TMEM236: variants seen among roughly 807,000 people sequenced by gnomAD.
The protein encoded by TMEM236 is transmembrane protein 236, also known as family with sequence similarity 23, member A.
TMEM236 carries 11 observed loss-of-function variants against 14.7 expected under a neutral mutation model. That is an observed-to-expected ratio of 0.75 (90% CI 0.47 to 1.24). TMEM236 has a LOEUF of 1.24. Ranked by LOEUF, TMEM236 falls within the 50% of genes most tolerant of loss-of-function variation. The pLI is 0.00. For synonymous variants in TMEM236, 182 were observed against 168.6 expected (o/e 1.08, Z -0.62); for missense variants, 464 against 427.3 (o/e 1.09, Z -0.76).
At chr10:17,754,566 A>G (rs1222512075) in intron 1 of TMEM236, among the ~76,000 whole-genome samples, 1 of 152,114 alleles carries the variant, frequency 6.6e-6, no homozygotes. Context: ...GGCTCAAACA[A>G]TCCACCCGTC....
chr10:17,771,887 A>T (rs1025162943), intron 2 of TMEM236, among the ~76,000 whole-genome samples: 2 of 150,548 alleles, frequency 1.3e-5, no homozygotes, highest in East Asian at 3.9e-4. Flanking sequence ...GGGCAGGAAT[A>T]TCTTAGGCAG....
At position 17,773,368 on chromosome 10, in the gene TMEM236, C is replaced by T. The variant is rs577405432; in HGVS notation, c.330+1987C>T. ...ATTTTTTTGGAGACAGAGTCTTTCT[C>T]TGTTGCCCAGGCTGGAGTGCAGTGG... On this transcript the variant is annotated intron_variant, in intron 2 of 3. Transcript: ENST00000377495. 3.8e-3 allele frequency among the ~76,000 whole-genome samples: 573 copies of T among 152,320 alleles called. 1 individual carries two copies. Among genetic ancestry groups the T allele is most frequent in the African/African-American group, 0.013 (538 of 41,570 alleles).
chr10:17,781,874 T>C (rs1245190004), intron 3 of TMEM236, among the ~76,000 whole-genome samples: 1 of 152,136 alleles, frequency 6.6e-6, no homozygotes, highest in Admixed American at 6.5e-5. Context: ...TGATGTTTTA[T>C]GTGAGATTTC....
chr10:17,754,602 C>T (rs1158120904), intron 1 of TMEM236, among the ~76,000 whole-genome samples: 1 of 152,096 alleles, frequency 6.6e-6, no homozygotes, highest in Non-Finnish European at 1.5e-5. Flanking sequence ...GCTGAGATTA[C>T]AGGCGTGAGC....
At chr10:17,786,630 C>G (rs1837841615) in intron 3 of TMEM236, among the ~76,000 whole-genome samples, 1 of 152,154 alleles carries the variant, frequency 6.6e-6, no homozygotes, top group Non-Finnish European at 1.5e-5. Context: ...TATTTTGGGA[C>G]CTTAAGTCCT....
chr10:17,772,160 C>G (rs1837583373), intron 2 of TMEM236, among the ~76,000 whole-genome samples: 1 of 152,116 alleles, frequency 6.6e-6, no homozygotes, highest in Non-Finnish European at 1.5e-5. Flanking sequence ...ATATAATTTT[C>G]TGACATTAGA....
In TMEM236 at chr10:17,796,442, A is replaced by G; in HGVS notation, c.994A>G (p.Ile332Val). 1 of 1,613,506 alleles carries G rather than the reference A, an allele frequency of 6.2e-7. No individual in the cohort carries two copies. Among genetic ancestry groups the G allele is most frequent in the African/African-American group, 1.3e-5 (1 of 74,878 alleles). Residue 332 changes from isoleucine (I) to valine (V), a missense_variant, in exon 4 of 4, where the codon ATT becomes GTT. Coordinates refer to ENST00000377495, the MANE Select transcript of TMEM236 (RefSeq NM_001098844.3). ...AAATATCCTCGTGACTCTCTCTTACATTTACTTCAATTACCTAACCAGAAT... is the reference window on the plus strand; with the variant it reads ...AAATATCCTCGTGACTCTCTCTTACGTTTACTTCAATTACCTAACCAGAAT... ...CKNILVTLSY[I>V]YFNYLTRIRI...
At chr10:17,762,612 T>TACAC (rs1433133705) in intron 1 of TMEM236, among the ~76,000 whole-genome samples, 4 of 75,964 alleles carry the variant, frequency 5.3e-5, no homozygotes, top group African/African-American at 4.0e-4. Flanking sequence ...TATATATATA[T>TACAC]ATATATACAC....
intron 1 of TMEM236, among the ~76,000 whole-genome samples, chr10:17,771,036 A>C (rs1428242924): frequency 1.3e-5 from 2 of 152,218 alleles, no homozygotes; most frequent in Non-Finnish European, 2.9e-5. Flanking sequence ...AACATGTTGA[A>C]TGTCATTTGA....
At chr10:17,761,479 G>A (rs1837361766) in intron 1 of TMEM236, among the ~76,000 whole-genome samples, 1 of 152,180 alleles carries the variant, frequency 6.6e-6, no homozygotes, top group African/African-American at 2.4e-5. Flanking sequence ...GATCACTTGA[G>A]GTCTGGAGTT....
At chr10:17,757,934 A>AG (rs1837306309) in intron 1 of TMEM236, among the ~76,000 whole-genome samples, 1 of 151,874 alleles carries the variant, frequency 6.6e-6, no homozygotes, top group African/African-American at 2.4e-5. Context: ...ACGCCTGGCT[A>AG]ATTTTTTTAT....
intron 2 of TMEM236, among the ~76,000 whole-genome samples, chr10:17,771,671 G>A (rs1837575248): frequency 6.6e-6 from 1 of 152,110 alleles, no homozygotes; most frequent in Non-Finnish European, 1.5e-5. Flanking sequence ...ATCTATATTT[G>A]TTTCTTCTAC....
chr10:17,794,702 T>A (rs1256421507), intron 3 of TMEM236, among the ~76,000 whole-genome samples: 1 of 152,154 alleles, frequency 6.6e-6, no homozygotes, highest in Non-Finnish European at 1.5e-5. Flanking sequence ...AAACCTTGGA[T>A]TCAGCATGTC....
chr10:17,781,511 G>C (rs1195314987), intron 3 of TMEM236, among the ~76,000 whole-genome samples: 1 of 151,978 alleles, frequency 6.6e-6, no homozygotes, highest in Admixed American at 6.6e-5. Context: ...GCTGAGGTTG[G>C]GGGTGGGGGG....
rs1838066500 is a variant in TMEM236 at position 17,799,656 on chromosome 10, G to T, written c.*3152G>T. ...GGGTATCTTTTTATTATTAAGAAAA[G>T]CCTGTCATCAAGGGATTCATTTATG... On this transcript the variant is annotated 3_prime_UTR_variant, in exon 4 of 4. Transcript: ENST00000377495. The T allele has an allele frequency of 1.3e-5, 2 of 152,460 alleles. No individual in the cohort carries two copies. Among genetic ancestry groups the T allele is most frequent in the South Asian group, 4.1e-4 (2 of 4,828 alleles). 9.4% of individuals were successfully genotyped at this position (152,460 alleles called of 1,614,324 possible).
chr10:17,753,929 G>C (rs1022785746), intron 1 of TMEM236, among the ~76,000 whole-genome samples: 1 of 152,198 alleles, frequency 6.6e-6, no homozygotes, highest in Non-Finnish European at 1.5e-5. Flanking sequence ...TGAGCAGAGC[G>C]TAAGGATAGA....
chr10:17,792,698 C>T (rs990481427), intron 3 of TMEM236, among the ~76,000 whole-genome samples: 1 of 152,172 alleles, frequency 6.6e-6, no homozygotes, highest in Non-Finnish European at 1.5e-5. Flanking sequence ...GATCAAAAGG[C>T]TGCTAGTTTT....
rs964941396 is a variant in TMEM236, at chr10:17,800,400, T to C, written c.*3896T>C. On this transcript the variant is annotated 3_prime_UTR_variant, in exon 4 of 4. Transcript: ENST00000377495. ...ATGCTGTAATTTTTATAAAATTTTA[T>C]TTATTTTATAATTTTACAAAAAATT... The C allele has an allele frequency of 2.4e-3, 360 of 152,144 alleles. 1 individual carries two copies. Among genetic ancestry groups the C allele is most frequent in the African/African-American group, 8.0e-3 (333 of 41,544 alleles). 9.4% of individuals were successfully genotyped at this position (152,144 alleles called of 1,614,324 possible).
Position 17,800,307 on chromosome 10 carries a change from T to C in TMEM236, c.*3803T>C, listed in dbSNP as rs1293454873. The C allele has an allele frequency of 6.6e-6, 1 of 151,714 alleles. No individual in the cohort carries two copies. The highest frequency in any genetic ancestry group is 1.5e-5 in the Non-Finnish European group (1 of 67,926). The allele number at this position is 151,714 out of a possible 1,614,324, so 9.4% of individuals were successfully genotyped here. A position where few individuals can be genotyped will look rare whatever the true frequency, so the allele number is the denominator to read the frequency against. On this transcript the variant is annotated 3_prime_UTR_variant, in exon 4 of 4. Transcript: ENST00000377495. ...AATTAATCTATGATTAGGCTATTAA[T>C]ATATAGTCTAATAATTTTATTGCAT...
Sources: allele counts gnomAD v4.1 joint callset (sites outside exome capture counted in the v4.1 genomes callset), GRCh38; gene constraint gnomAD v4.1.1; transcripts MANE v1.5; gene names NCBI Gene and HGNC (gene_info 2026-07-23, HGNC 2026-07-21).